Variants in SLC25A12 observed in about 807,000 individuals in gnomAD.
SLC25A12 encodes solute carrier family 25 member 12.
In SLC25A12, 32 loss-of-function variants were observed where a neutral mutation model predicts 83.3. The observed-to-expected ratio is 0.38, with a 90% CI of 0.29 to 0.52. The LOEUF (loss-of-function observed/expected upper bound fraction) is 0.52, where lower values mean the gene tolerates loss of function less well. Among genes scored for constraint, SLC25A12 ranks in the 20% least tolerant of loss-of-function variants. The probability of loss-of-function intolerance (pLI) is 0.84; values close to 1 mark genes in which losing one functional copy is unlikely to be tolerated. For missense variants in SLC25A12, 611 were observed against 835.6 expected, an observed-to-expected ratio of 0.73 and a Z score of 3.31; for synonymous variants, 267 against 291.1, an observed-to-expected ratio of 0.92 and a Z score of 0.84.
chr2:171,869,993 C>A (rs183344793), intron 2 of SLC25A12, among the ~76,000 whole-genome samples: 8 of 152,288 alleles, frequency 5.3e-5, no homozygotes, highest in Middle Eastern at 3.4e-3. Context: ...GCACCTCTTT[C>A]TAACATACTT....
At chr2:171,873,954 G>A (rs994900402) in intron 2 of SLC25A12, among the ~76,000 whole-genome samples, 4 of 152,036 alleles carry the variant, frequency 2.6e-5, no homozygotes, top group African/African-American at 9.7e-5. Flanking sequence ...GGCCAGGCGC[G>A]GTGGCTCAAG....
In SLC25A12 at chr2:171,793,889, C is replaced by T. The variant is rs1402000214; in HGVS notation, c.1306-122G>A. Reference sequence around the variant, plus strand: ...CTTGAAAAGAAGGAGGTGAAACTTCCTTCCTCAGGGGGGAATGACAGTTTG... The same window carrying T: ...CTTGAAAAGAAGGAGGTGAAACTTCTTTCCTCAGGGGGGAATGACAGTTTG... On this transcript the variant is annotated intron_variant, in intron 13 of 17. Transcript: ENST00000422440. 3 of 1,128,550 alleles carry T rather than the reference C, an allele frequency of 2.7e-6. No individual in the cohort carries two copies. The African/African-American group carries it at 4.6e-5, about 17-fold the overall frequency. The allele number at this position is 1,128,550 out of a possible 1,614,324, so 69.9% of individuals were successfully genotyped here. A position where few individuals can be genotyped will look rare whatever the true frequency, so the allele number is the denominator to read the frequency against.
At chr2:171,864,283 A>G (rs1435986828) in intron 3 of SLC25A12, among the ~76,000 whole-genome samples, 1 of 152,246 alleles carries the variant, frequency 6.6e-6, no homozygotes, top group African/African-American at 2.4e-5. Flanking sequence ...TGAAACTGCC[A>G]TAACAAGCCA....
In SLC25A12 at chr2:171,868,747, T is replaced by C; in HGVS notation, c.143A>G (p.Asn48Ser). Residue 48 changes from asparagine to serine, a missense_variant, in exon 3 of 18, where the codon AAT becomes AGT. Physicochemically the swap from Asn to Ser is conservative, Grantham distance 46 (BLOSUM62 1). This residue lies in a region of SLC25A12 where 540 missense variants were observed against 777.5 expected (regional missense o/e 0.69). Transcript: ENST00000422440. ...DFVQRYLGLY[N>S]DPNSNPKIVQ... ...GATCTTTGGGTTACTATTTGGATCA[T>C]TATACAGTCCAAGATAGCGCTGAAC... is the stretch of plus-strand genomic sequence containing the variant. The C allele has an allele frequency of 6.2e-7, 1 of 1,613,998 alleles. No individual in the cohort carries two copies. Among genetic ancestry groups the C allele is most frequent in the East Asian group, 2.2e-5 (1 of 44,882 alleles).
intron 17 of SLC25A12, 103 bp from the exon 18 acceptor site, chr2:171,785,578 T>G (rs1690473237): frequency 1.9e-6 from 2 of 1,035,362 alleles, no homozygotes; most frequent in Middle Eastern, 5.9e-4. Flanking sequence ...AAGAAGAATG[T>G]TTCTCTCAAC....
intron 2 of SLC25A12, among the ~76,000 whole-genome samples, chr2:171,882,840 A>AT (rs1685724968): frequency 6.6e-6 from 1 of 152,208 alleles, no homozygotes; most frequent in East Asian, 1.9e-4. Context: ...AAAAATATGT[A>AT]TTTTTTCAAG....
chr2:171,885,618 G>A (rs1685802090), intron 2 of SLC25A12, among the ~76,000 whole-genome samples: 1 of 152,086 alleles, frequency 6.6e-6, no homozygotes, highest in Admixed American at 6.6e-5. Flanking sequence ...GTTGCAGTGA[G>A]CCAAGATCAT....
At chr2:171,792,785 CATT>C (rs1359640417) in intron 14 of SLC25A12, among the ~76,000 whole-genome samples, 1 of 152,184 alleles carries the variant, frequency 6.6e-6, no homozygotes, top group Non-Finnish European at 1.5e-5. Flanking sequence ...AGACAGGCAT[CATT>C]GTTTGCTGGT....
intron 5 of SLC25A12, among the ~76,000 whole-genome samples, chr2:171,838,761 A>G (rs1684612291): frequency 2.6e-5 from 4 of 152,182 alleles, no homozygotes; most frequent in Admixed American, 2.0e-4. Context: ...GAAGGATCAC[A>G]GATGAAAAAA....
chr2:171,845,144 G>C (rs1464706884), intron 4 of SLC25A12, among the ~76,000 whole-genome samples: 4 of 152,064 alleles, frequency 2.6e-5, no homozygotes, highest in Non-Finnish European at 5.9e-5. Context: ...AATATTTTAA[G>C]ATAAGTTAAA....
intron 4 of SLC25A12, among the ~76,000 whole-genome samples, chr2:171,849,203 A>AC (rs1684860506): frequency 2.0e-5 from 3 of 151,496 alleles, no homozygotes; most frequent in Admixed American, 6.6e-5. Context: ...ATTAATAAAT[A>AC]AATACATACA....
chr2:171,798,255 A>G (rs1398694392), intron 13 of SLC25A12, among the ~76,000 whole-genome samples: 1 of 152,212 alleles, frequency 6.6e-6, no homozygotes, highest in Non-Finnish European at 1.5e-5. Flanking sequence ...TAATTTTGAG[A>G]TGTCACCATG....
In SLC25A12 at chr2:171,834,037, G is replaced by A; in HGVS notation, c.771C>T (p.Ala257=). Residue 257 remains alanine (A), a synonymous_variant, in exon 8 of 18, where the codon GCC becomes GCT. Coordinates refer to ENST00000422440, the MANE Select transcript of SLC25A12 (RefSeq NM_003705.5). The part of the protein sequence containing the change: ...EVTKEEFAQS[A]IRYGQVTPLE... Reference sequence around the variant, plus strand: ...GTGGTGTGACTTGTCCATAGCGTATGGCACTCTGGGCAAATTCCTCTGGAA... The same window carrying A: ...GTGGTGTGACTTGTCCATAGCGTATAGCACTCTGGGCAAATTCCTCTGGAA... 4 of 1,605,118 alleles carry A rather than the reference G, an allele frequency of 2.5e-6. No individual in the cohort carries two copies. The highest frequency in any genetic ancestry group is 3.4e-6 in the Non-Finnish European group (4 of 1,172,182).
intron 9 of SLC25A12, among the ~76,000 whole-genome samples, chr2:171,822,474 C>A (rs894435390): frequency 1.3e-5 from 2 of 152,158 alleles, no homozygotes; most frequent in Non-Finnish European, 2.9e-5. Flanking sequence ...GCCTCAAATT[C>A]CTGGGCTCAA....
chr2:171,877,815 A>G (rs1685606527), intron 2 of SLC25A12, among the ~76,000 whole-genome samples: 1 of 152,206 alleles, frequency 6.6e-6, no homozygotes, highest in Non-Finnish European at 1.5e-5. Context: ...TAAAGCCCAA[A>G]CACTCTAAAT....
At position 171,868,777 on chromosome 2, in the gene SLC25A12, T is replaced by A. The variant is rs769334369; in HGVS notation, c.113A>T (p.Asp38Val). Residue 38 changes from aspartate to valine, a missense_variant, in exon 3 of 18, where the codon GAC becomes GTC. Physicochemically the swap from Asp to Val is radical, Grantham distance 152 (BLOSUM62 -3). This residue lies in a region of SLC25A12 where 540 missense variants were observed against 777.5 expected (regional missense o/e 0.69). Transcript: ENST00000422440. ...CAGTCCAAGATAGCGCTGAACAAAGTCTTCTGGGGTCATATAACGCTCTCC... is the reference window on the plus strand; with the variant it reads ...CAGTCCAAGATAGCGCTGAACAAAGACTTCTGGGGTCATATAACGCTCTCC... ...VDGERYMTPE[D>V]FVQRYLGLYN... 6 of 1,613,356 alleles carry A rather than the reference T, an allele frequency of 3.7e-6. No individual in the cohort carries two copies. The highest frequency in any genetic ancestry group is 5.1e-6 in the Non-Finnish European group (6 of 1,179,312).
intron 4 of SLC25A12, among the ~76,000 whole-genome samples, chr2:171,855,597 T>TG (rs3836018): frequency 0.83 from 126,999 of 152,148 alleles, 53,661 homozygotes; most frequent in Middle Eastern, 0.91. Context: ...TTTAGGAATG[T>TG]AAAGTGTCAG....
intron 11 of SLC25A12, among the ~76,000 whole-genome samples, chr2:171,810,622 C>G (rs1335679018): frequency 6.6e-6 from 1 of 152,196 alleles, no homozygotes; most frequent in Non-Finnish European, 1.5e-5. Context: ...AATTCCCTCC[C>G]TTATTACAAC....
chr2:171,795,699 C>T (rs926327018), intron 13 of SLC25A12, among the ~76,000 whole-genome samples: 1 of 152,080 alleles, frequency 6.6e-6, no homozygotes, highest in African/African-American at 2.4e-5. Context: ...TAAATAAATA[C>T]TAAGGTCTTT....
Sources: allele counts gnomAD v4.1 joint callset (sites outside exome capture counted in the v4.1 genomes callset), GRCh38; gene constraint gnomAD v4.1.1; regional missense constraint gnomAD v4.1.1; transcripts MANE v1.5; gene names NCBI Gene and HGNC (gene_info 2026-07-23, HGNC 2026-07-21).